Variants in UGGT2 observed in about 807,000 individuals in gnomAD.
UGGT2 encodes UDP-glucose:glycoprotein glucosyltransferase 2.
A neutral mutation model predicts 192.1 loss-of-function variants in UGGT2; 180 were observed. The ratio of observed to expected loss-of-function variants is 0.94; its 90% CI spans 0.83 to 1.06. The LOEUF is 1.06. Among genes scored for constraint, UGGT2 ranks in the 50% least tolerant of loss-of-function variants. The pLI is 0.00. For synonymous variants in UGGT2, 580 were observed against 591.0 expected, an observed-to-expected ratio of 0.98 and a Z score of 0.27; for missense variants, 1,849 against 1,795.7, an observed-to-expected ratio of 1.03 and a Z score of -0.54.
chr13:95,930,001 T>C (rs1259666287), intron 17 of UGGT2, among the ~76,000 whole-genome samples: 2 of 152,194 alleles, frequency 1.3e-5, no homozygotes, highest in African/African-American at 2.4e-5. Flanking sequence ...GGTGTCTCCT[T>C]TTGGTTTTGA....
intron 10 of UGGT2, among the ~76,000 whole-genome samples, chr13:95,973,073 G>A (rs1402975876): frequency 2.6e-5 from 4 of 152,142 alleles, no homozygotes; most frequent in African/African-American, 9.7e-5. Context: ...GGGAGGCTGA[G>A]GCAGGAGAAT....
At chr13:95,828,921 T>A (rs9556500) in intron 38 of UGGT2, among the ~76,000 whole-genome samples, 26,532 of 152,106 alleles carry the variant, frequency 0.17, 2,911 homozygotes, top group Non-Finnish European at 0.24. Context: ...AAATCTTCAA[T>A]AAAATACTGG....
intron 27 of UGGT2, among the ~76,000 whole-genome samples, chr13:95,882,730 A>G (rs531544038): frequency 6.6e-6 from 1 of 152,340 alleles, no homozygotes; most frequent in South Asian, 2.1e-4. Context: ...TTTGACACTC[A>G]CTACAAAAAA....
intron 38 of UGGT2, among the ~76,000 whole-genome samples, chr13:95,805,251 C>T (rs1383516548): frequency 6.6e-6 from 1 of 150,962 alleles, no homozygotes; most frequent in Non-Finnish European, 1.5e-5. Context: ...TTACCTCAGA[C>T]CCATTAGTAT....
At chr13:95,878,122 A>T (rs1473490726) in intron 27 of UGGT2, among the ~76,000 whole-genome samples, 1 of 151,870 alleles carries the variant, frequency 6.6e-6, no homozygotes. Flanking sequence ...GAAAGACGTG[A>T]ACATGAGATT....
chr13:95,982,376 G>A (rs988204962), intron 10 of UGGT2, among the ~76,000 whole-genome samples: 1 of 152,212 alleles, frequency 6.6e-6, no homozygotes, highest in Non-Finnish European at 1.5e-5. Context: ...CTGGGACCAG[G>A]CATGTTCAAA....
At chr13:95,967,635 A>T (rs1458461069) in intron 12 of UGGT2, among the ~76,000 whole-genome samples, 1 of 151,438 alleles carries the variant, frequency 6.6e-6, no homozygotes, top group East Asian at 1.9e-4. Flanking sequence ...CACCACACCC[A>T]GCTAATTTTT....
chr13:95,810,756 C>T (rs1594052869), intron 38 of UGGT2, among the ~76,000 whole-genome samples: 1 of 151,554 alleles, frequency 6.6e-6, no homozygotes, highest in Admixed American at 6.6e-5. Flanking sequence ...CAAGGAAAGA[C>T]AAAAAAACCT....
At chr13:95,874,874 T>C (rs1053192792) in intron 29 of UGGT2, among the ~76,000 whole-genome samples, 2 of 152,158 alleles carry the variant, frequency 1.3e-5, no homozygotes, top group Non-Finnish European at 2.9e-5. Context: ...TGATTTTACA[T>C]AGAGGTAGGT....
At chr13:95,919,351 T>C (rs990441774) in intron 20 of UGGT2, among the ~76,000 whole-genome samples, 1 of 152,240 alleles carries the variant, frequency 6.6e-6, no homozygotes. Flanking sequence ...CAACACAGTA[T>C]TGAAAGTTCT....
intron 17 of UGGT2, among the ~76,000 whole-genome samples, chr13:95,930,729 C>G (rs1013132474): frequency 6.6e-6 from 1 of 152,128 alleles, no homozygotes; most frequent in African/African-American, 2.4e-5. Flanking sequence ...ACACTGACTT[C>G]AAGAATAAAG....
At chr13:95,920,973 G>T (rs1349596651) in intron 20 of UGGT2, among the ~76,000 whole-genome samples, 1 of 152,120 alleles carries the variant, frequency 6.6e-6, no homozygotes, top group Non-Finnish European at 1.5e-5. Flanking sequence ...ACTGGATAAA[G>T]AAAATGTGAT....
At chr13:95,888,069 T>C in intron 25 of UGGT2, 98 bp from the exon 26 acceptor site, 2 of 778,708 alleles carry the variant, frequency 2.6e-6, no homozygotes, top group Admixed American at 5.8e-5. Context: ...TAAAACTTTA[T>C]GTTCATTATC....
At chr13:95,935,051 G>GGTTTTGTTTT (rs141684721) in intron 17 of UGGT2, among the ~76,000 whole-genome samples, 2 of 152,000 alleles carry the variant, frequency 1.3e-5, no homozygotes, top group African/African-American at 4.8e-5. Flanking sequence ...AGCAACTCCT[G>GGTTTTGTTTT]GTTTTGTTTT....
intron 36 of UGGT2, among the ~76,000 whole-genome samples, chr13:95,851,054 A>G (rs1488521194): frequency 6.6e-6 from 1 of 152,206 alleles, no homozygotes; most frequent in East Asian, 1.9e-4. Context: ...GTCTTAATTG[A>G]ATTTGTAAAG....
chr13:95,854,449 A>G lies in UGGT2; in HGVS notation c.4035T>C (p.Leu1345=), dbSNP rs1380422878. The change falls in exon 35 of 39, where the codon CTT becomes CTC. Residue 1345 remains leucine, a synonymous_variant. Coordinates refer to ENST00000376747, the MANE Select transcript of UGGT2 (RefSeq NM_020121.4). ...GAGCTCCATCCAGATCGAAATCTCG[A>G]AGTTCTTTTAGATCATGTCTCACAA... ...DQIVRHDLKE[L]RDFDLDGAPY... 2 of 1,610,752 alleles carry G rather than the reference A, an allele frequency of 1.2e-6. No individual in the cohort carries two copies. The highest frequency in any genetic ancestry group is 1.7e-6 in the Non-Finnish European group (2 of 1,178,898).
At chr13:95,841,167 G>A (rs1023330038) in intron 36 of UGGT2, among the ~76,000 whole-genome samples, 3 of 152,126 alleles carry the variant, frequency 2.0e-5, no homozygotes, top group Admixed American at 1.3e-4. Context: ...GTATACCTAC[G>A]TAACAAACCT....
intron 4 of UGGT2, among the ~76,000 whole-genome samples, chr13:96,017,091 T>C (rs2052362598): frequency 6.6e-6 from 1 of 152,210 alleles, no homozygotes. Context: ...GTAACGGGAA[T>C]GTTTACCCAA....
rs77288380 is a variant in UGGT2, at chr13:95,983,921, A to G, written c.1032-57T>C. The G allele has an allele frequency of 2.7e-3, 3,083 of 1,141,222 alleles. 13 individuals are homozygous for G. Among genetic ancestry groups the G allele is most frequent in the Non-Finnish European group, 2.9e-3 (2,423 of 823,260 alleles). The allele number at this position is 1,141,222 out of a possible 1,614,324, so 70.7% of individuals were successfully genotyped here. On this transcript the variant is annotated intron_variant, in intron 9 of 38. Transcript: ENST00000376747. ...TTCCTTAAATGTTTAGAACTGATCT[A>G]TATAACCCAATGTAATCTAATACTT...
Sources: gnomAD v4.1 joint callset for allele counts (sites outside exome capture counted in the v4.1 genomes callset) on GRCh38, gnomAD v4.1.1 for gene constraint, MANE v1.5 for transcripts, NCBI Gene and HGNC (gene_info 2026-07-23, HGNC 2026-07-21) for gene names.